Variants in NHSL2 observed in about 807,000 individuals in gnomAD.
NHSL2 encodes NHS like 2, also known as NHS-like protein 2.
NHSL2 carries 27 observed loss-of-function variants against 53.4 expected under a neutral mutation model. That is an observed-to-expected ratio of 0.51 (90% CI 0.37 to 0.70). The LOEUF is 0.70. NHSL2 is among the 30% of genes least tolerant of loss of function. The probability of loss-of-function intolerance (pLI) is 0.00; values close to 1 mark genes in which losing one functional copy is unlikely to be tolerated. For synonymous variants in NHSL2, 408 were observed against 404.1 expected (o/e 1.01, Z -0.12); for missense variants, 892 against 980.1 (o/e 0.91, Z 1.20).
Position 72,086,431 on chromosome X carries a change from C to T in NHSL2, c.281-45648C>T, listed in dbSNP as rs184698187. Among the ~76,000 whole-genome samples, 69 of 111,949 alleles carry T rather than the reference C, an allele frequency of 6.2e-4. 1 individual carries two copies. In the East Asian group the frequency reaches 0.019, roughly 32 times the overall value. On this transcript the variant is annotated intron_variant, in intron 1 of 7. Coordinates refer to ENST00000633930, the MANE Select transcript of NHSL2 (RefSeq NM_001013627.3). ...GGGCTTGGTGGCTTACGCCTATAATCCCAGCACTTTGGGAGGCCAAGGCGG... is the reference window on the plus strand; with the variant it reads ...GGGCTTGGTGGCTTACGCCTATAATTCCAGCACTTTGGGAGGCCAAGGCGG...
At chrX:72,119,577 A>G (rs2042166387) in intron 1 of NHSL2, among the ~76,000 whole-genome samples, 1 of 112,587 alleles carries the variant, frequency 8.9e-6, no homozygotes, top group Non-Finnish European at 1.9e-5. Flanking sequence ...AGTATACAGA[A>G]ATATAATTTT....
intron 1 of NHSL2, among the ~76,000 whole-genome samples, chrX:72,082,747 T>G (rs1290163890): frequency 8.9e-6 from 1 of 111,917 alleles, no homozygotes; most frequent in Non-Finnish European, 1.9e-5. Context: ...TATAAACACT[T>G]GAGCCTCTGG....
In NHSL2 at chrX:72,140,102, G is replaced by A. The variant is rs770908129; in HGVS notation, c.2554G>A (p.Glu852Lys). 21 of 1,207,700 alleles carry A rather than the reference G, an allele frequency of 1.7e-5. No individual in the cohort carries two copies. Among genetic ancestry groups the A allele is most frequent in the South Asian group, 8.9e-5 (5 of 56,389 alleles). Residue 852 changes from glutamate (E) to lysine (K), a missense_variant, in exon 6 of 8, where the codon GAG becomes AAG. Physicochemically the swap from Glu to Lys is moderately conservative, Grantham distance 56. Transcript: ENST00000633930. ...EDDIESPEYA[E>K]EPRAEEVFTL... ...TGATATTGAGAGCCCTGAGTATGCC[G>A]AGGAACCCAGAGCAGAAGAAGTCTT...
chrX:72,058,413 C>T (rs561503282), intron 1 of NHSL2, among the ~76,000 whole-genome samples: 1 of 111,130 alleles, frequency 9.0e-6, no homozygotes, highest in African/African-American at 3.3e-5. Context: ...GATGCAATCT[C>T]GGCTCACTGC....
chrX:71,944,370 G>C (rs1202463491), intron 1 of NHSL2, among the ~76,000 whole-genome samples: 1 of 112,308 alleles, frequency 8.9e-6, no homozygotes, highest in Non-Finnish European at 1.9e-5. Context: ...ATAAAGACCA[G>C]TTTAGAGAGT....
intron 1 of NHSL2, among the ~76,000 whole-genome samples, chrX:71,921,712 A>C (rs748366792): frequency 3.0e-4 from 34 of 111,749 alleles, no homozygotes; most frequent in African/African-American, 1.1e-3. Flanking sequence ...CGACTCCACT[A>C]TGCACGAGTT....
rs2042034988 is a variant in NHSL2 at position 71,993,140 on chromosome X, T to C, written c.280+81773T>C. ...GTAGTTGCTGGTGTCTGAAGGCTTT[T>C]ATTCCACCTCTAACTGGCCTGCAGT... On this transcript the variant is annotated intron_variant, in intron 1 of 7. Coordinates refer to ENST00000633930, the MANE Select transcript of NHSL2 (RefSeq NM_001013627.3). 2.7e-5 allele frequency among the ~76,000 whole-genome samples: 3 copies of C among 112,011 alleles called. No homozygotes were observed. The South Asian group carries it at 1.1e-3, about 42-fold the overall frequency.
chrX:72,034,989 T>C (rs1270793258), intron 1 of NHSL2, among the ~76,000 whole-genome samples: 1 of 112,235 alleles, frequency 8.9e-6, no homozygotes, highest in Non-Finnish European at 1.9e-5. Context: ...TATACATTCT[T>C]ATAGATATGA....
chrX:72,090,347 G>A (rs761842489), intron 1 of NHSL2, among the ~76,000 whole-genome samples: 19 of 111,652 alleles, frequency 1.7e-4, no homozygotes, highest in African/African-American at 5.9e-4. Flanking sequence ...TTACAGGTGT[G>A]AGCCACCGTG....
At position 71,980,569 on chromosome X, in the gene NHSL2, G is replaced by T. The variant is rs200783927; in HGVS notation, c.280+69202G>T. ...GTGTGTGTGTGTGTGGGGTGTGTGG[G>T]GTGTGTGTGTGTGTGTGTGTGTGTG... is the stretch of plus-strand genomic sequence containing the variant. On this transcript the variant is annotated intron_variant, in intron 1 of 7. Transcript: ENST00000633930. 6.0e-3 allele frequency among the ~76,000 whole-genome samples: 12 copies of T among 2,014 alleles called. 1 individual carries two copies. Among genetic ancestry groups the T allele is most frequent in the African/African-American group, 0.024 (12 of 492 alleles). 1.7% of individuals were successfully genotyped at this position (2,014 alleles called of 115,157 possible).
In NHSL2 at chrX:71,979,716, G is replaced by A. The variant is rs1338795798; in HGVS notation, c.280+68349G>A. 4.6e-3 allele frequency among the ~76,000 whole-genome samples: 514 copies of A among 111,782 alleles called. 1 individual carries two copies. The highest frequency in any genetic ancestry group is 7.3e-3 in the Non-Finnish European group (388 of 53,104). Reference sequence around the variant, plus strand: ...TTTTTTCCCATTCTGTAGGTTGCCTGTTCACTCTGATGGTATTTTCTTTTG... The same window carrying A: ...TTTTTTCCCATTCTGTAGGTTGCCTATTCACTCTGATGGTATTTTCTTTTG... On this transcript the variant is annotated intron_variant, in intron 1 of 7. Transcript: ENST00000633930.
At chrX:71,975,815 C>T (rs1456836876) in intron 1 of NHSL2, among the ~76,000 whole-genome samples, 1 of 111,789 alleles carries the variant, frequency 8.9e-6, no homozygotes, top group Non-Finnish European at 1.9e-5. Context: ...CCACTAGTAT[C>T]CTGTGAGAAT....
chrX:71,973,728 A>C (rs755775665), intron 1 of NHSL2, among the ~76,000 whole-genome samples: 1 of 111,852 alleles, frequency 8.9e-6, no homozygotes, highest in African/African-American at 3.2e-5. Flanking sequence ...GAGGCCTAGC[A>C]TTCTTGGCCC....
chrX:71,915,101 C>T (rs771561586), intron 1 of NHSL2, among the ~76,000 whole-genome samples: 1 of 111,589 alleles, frequency 9.0e-6, no homozygotes, highest in African/African-American at 3.3e-5. Context: ...AAAACATCTT[C>T]CCTGGAGATT....
chrX:72,100,623 C>T (rs2041983840), intron 1 of NHSL2, among the ~76,000 whole-genome samples: 1 of 111,835 alleles, frequency 8.9e-6, no homozygotes, highest in African/African-American at 3.3e-5. Context: ...AGATCAGCAG[C>T]GGCATTAGAT....
chrX:71,993,718 T>A (rs1415669895), intron 1 of NHSL2, among the ~76,000 whole-genome samples: 1 of 111,113 alleles, frequency 9.0e-6, no homozygotes, highest in Non-Finnish European at 1.9e-5. Flanking sequence ...AGGAGGCAAA[T>A]CAAATGCACG....
chrX:72,131,988 G>A, intron 1 of NHSL2, 91 bp from the exon 2 acceptor site: 1 of 919,075 alleles, frequency 1.1e-6, no homozygotes, highest in Non-Finnish European at 1.5e-6. Flanking sequence ...ACGCAGGGGC[G>A]GGCCTTGGGG....
intron 1 of NHSL2, among the ~76,000 whole-genome samples, chrX:72,113,773 C>CCA (rs2042112608): frequency 8.9e-6 from 1 of 112,310 alleles, no homozygotes; most frequent in Non-Finnish European, 1.9e-5. Flanking sequence ...CCTGATTGGG[C>CCA]AATTCAGACA....
At chrX:71,965,687 AT>A (rs2041897901) in intron 1 of NHSL2, among the ~76,000 whole-genome samples, 1 of 112,177 alleles carries the variant, frequency 8.9e-6, no homozygotes, top group African/African-American at 3.2e-5. Flanking sequence ...GAATCCATAG[AT>A]CAAGTTGGGA....
Sources: allele counts gnomAD v4.1 joint callset (sites outside exome capture counted in the v4.1 genomes callset), GRCh38; gene constraint gnomAD v4.1.1; transcripts MANE v1.5; gene names NCBI Gene and HGNC (gene_info 2026-07-23, HGNC 2026-07-21).